PRRX1: variants seen among roughly 807,000 people sequenced by gnomAD.
PRRX1 encodes the protein paired mesoderm homeobox protein 1.
In PRRX1, 8 loss-of-function variants were observed where a neutral mutation model predicts 24.0. The observed-to-expected ratio is 0.33, with a 90% CI of 0.20 to 0.60. The LOEUF (loss-of-function observed/expected upper bound fraction) is 0.60. Among genes scored for constraint, PRRX1 ranks in the 20% least tolerant of loss-of-function variants. The pLI, the probability that PRRX1 is intolerant of heterozygous loss-of-function variation, is 0.82. For missense variants in PRRX1, 281 were observed against 322.4 expected, an observed-to-expected ratio of 0.87 and a Z score of 0.98; for synonymous variants, 160 against 131.7, an observed-to-expected ratio of 1.22 and a Z score of -1.47.
intron 3 of PRRX1, among the ~76,000 whole-genome samples, chr1:170,735,678 T>C (rs1571353979): frequency 6.6e-6 from 1 of 152,066 alleles, no homozygotes; most frequent in East Asian, 1.9e-4. Flanking sequence ...GCTGGGGAGG[T>C]AGGCAGGACA....
At chr1:170,725,284 TTA>T (rs1218272651) in intron 2 of PRRX1, among the ~76,000 whole-genome samples, 1 of 152,156 alleles carries the variant, frequency 6.6e-6, no homozygotes, top group Non-Finnish European at 1.5e-5. Context: ...ATCCCAGAAC[TTA>T]TAAAATAAAA....
chr1:170,720,539 G>A (rs1418452541), intron 2 of PRRX1, among the ~76,000 whole-genome samples: 1 of 152,098 alleles, frequency 6.6e-6, no homozygotes, highest in African/African-American at 2.4e-5. Context: ...GTCCATCTGA[G>A]TATTTTACTC....
intron 1 of PRRX1, among the ~76,000 whole-genome samples, chr1:170,697,646 A>G (rs1011376373): frequency 3.4e-5 from 5 of 149,076 alleles, no homozygotes. Context: ...GATATATTTT[A>G]TGTATCTGTA....
chr1:170,723,616 C>G (rs1655161981), intron 2 of PRRX1, among the ~76,000 whole-genome samples: 1 of 152,132 alleles, frequency 6.6e-6, no homozygotes, highest in Non-Finnish European at 1.5e-5. Context: ...GAAACTCAGC[C>G]ATTTATTATT....
intron 1 of PRRX1, among the ~76,000 whole-genome samples, chr1:170,687,208 C>T (rs570309204): frequency 4.3e-4 from 65 of 152,038 alleles, no homozygotes; most frequent in Non-Finnish European, 8.2e-4. Context: ...ATTTCCAAAA[C>T]CCCATTTGTG....
At chr1:170,720,246 C>G (rs931921828) in intron 2 of PRRX1, among the ~76,000 whole-genome samples, 1 of 151,974 alleles carries the variant, frequency 6.6e-6, no homozygotes, top group African/African-American at 2.4e-5. Context: ...CCAGTGCACC[C>G]CAGCCTGGGT....
intron 2 of PRRX1, among the ~76,000 whole-genome samples, chr1:170,725,593 A>T (rs1655231368): frequency 6.6e-6 from 1 of 152,202 alleles, no homozygotes; most frequent in Admixed American, 6.5e-5. Flanking sequence ...CGTTAGTCTT[A>T]GTCTTCAGGT....
intron 1 of PRRX1, among the ~76,000 whole-genome samples, chr1:170,695,264 C>T (rs899704129): frequency 2.6e-5 from 4 of 152,142 alleles, no homozygotes; most frequent in African/African-American, 9.7e-5. Flanking sequence ...GCTAGCTGCA[C>T]AACTGTGACT....
intron 1 of PRRX1, among the ~76,000 whole-genome samples, chr1:170,718,211 C>A (rs919056959): frequency 6.6e-6 from 1 of 152,210 alleles, no homozygotes; most frequent in African/African-American, 2.4e-5. Flanking sequence ...TTTACTATAT[C>A]TGGGTGCTTT....
At chr1:170,672,656 GC>G (rs1653179779) in intron 1 of PRRX1, among the ~76,000 whole-genome samples, 1 of 152,298 alleles carries the variant, frequency 6.6e-6, no homozygotes, top group African/African-American at 2.4e-5. Context: ...AGGCCAAGGA[GC>G]CCAATTCAAT....
chr1:170,735,896 G>T, intron 3 of PRRX1, 152 bp from the exon 4 acceptor site: 1 of 1,017,224 alleles, frequency 9.8e-7, no homozygotes, highest in Non-Finnish European at 1.6e-6. Context: ...CGAATGGAAA[G>T]CTGGGGCTGT....
chr1:170,706,853 G>A (rs1654586073), intron 1 of PRRX1, among the ~76,000 whole-genome samples: 2 of 152,116 alleles, frequency 1.3e-5, no homozygotes, highest in South Asian at 4.2e-4. Flanking sequence ...TCTCAGCAGG[G>A]CACAGTGGCT....
intron 1 of PRRX1, among the ~76,000 whole-genome samples, chr1:170,669,636 G>C (rs1160484900): frequency 6.6e-6 from 1 of 151,456 alleles, no homozygotes; most frequent in Non-Finnish European, 1.5e-5. Flanking sequence ...ACTGTTTCCC[G>C]CTCCATCCAT....
At chr1:170,670,442 T>G (rs1653107426) in intron 1 of PRRX1, among the ~76,000 whole-genome samples, 1 of 152,066 alleles carries the variant, frequency 6.6e-6, no homozygotes, top group Non-Finnish European at 1.5e-5. Flanking sequence ...AATCAATAAG[T>G]TAGGAGATAC....
chr1:170,685,543 T>A (rs1201874981), intron 1 of PRRX1, among the ~76,000 whole-genome samples: 3 of 152,136 alleles, frequency 2.0e-5, no homozygotes, highest in African/African-American at 7.2e-5. Context: ...ACTAAAAGAT[T>A]TTGGAATTTG....
intron 1 of PRRX1, among the ~76,000 whole-genome samples, chr1:170,716,979 G>A (rs759531046): frequency 1.3e-5 from 2 of 152,192 alleles, no homozygotes; most frequent in Non-Finnish European, 2.9e-5. Context: ...TGTGATTAGT[G>A]AGCAAAGACA....
intron 1 of PRRX1, among the ~76,000 whole-genome samples, chr1:170,683,027 A>G (rs1653607128): frequency 6.6e-6 from 1 of 152,190 alleles, no homozygotes; most frequent in Non-Finnish European, 1.5e-5. Context: ...GAGAGATGAC[A>G]AAGTCAGAGA....
chr1:170,695,303 T>C (rs577181076), intron 1 of PRRX1, among the ~76,000 whole-genome samples: 1 of 152,308 alleles, frequency 6.6e-6, no homozygotes, highest in South Asian at 2.1e-4. Flanking sequence ...TAATGCTTAT[T>C]ATGTCCCACC....
At chr1:170,717,939 C>T (rs76043297) in intron 1 of PRRX1, among the ~76,000 whole-genome samples, 192 of 152,110 alleles carry the variant, frequency 1.3e-3, no homozygotes, top group Middle Eastern at 0.01. Context: ...AAATTTGCTC[C>T]ATTTCCAAGA....
Sources: gnomAD v4.1 joint callset for allele counts (sites outside exome capture counted in the v4.1 genomes callset) on GRCh38, gnomAD v4.1.1 for gene constraint, MANE v1.5 for transcripts, NCBI Gene and HGNC (gene_info 2026-07-23, HGNC 2026-07-21) for gene names.